The following LHPP variants were observed in gnomAD, a reference collection of about 807,000 sequenced individuals.
LHPP encodes the protein hLHPP.
In LHPP, 24 loss-of-function variants were observed where a neutral mutation model predicts 30.3. The observed-to-expected ratio is 0.79, with a 90% CI of 0.57 to 1.11. LHPP has a LOEUF of 1.11. Ranked by LOEUF, LHPP falls within the 50% of genes most tolerant of loss-of-function variation. LHPP has a pLI of 0.00. For missense variants in LHPP, 356 were observed against 367.2 expected, an observed-to-expected ratio of 0.97 and a Z score of 0.25; for synonymous variants, 150 against 157.1, an observed-to-expected ratio of 0.95 and a Z score of 0.34.
At chr10:124,582,322 A>T (rs1948753576) in intron 6 of LHPP, among the ~76,000 whole-genome samples, 2 of 151,998 alleles carry the variant, frequency 1.3e-5, no homozygotes, top group Admixed American at 6.5e-5. Flanking sequence ...AGCCTCAAGC[A>T]ATCCTCCTGG....
chr10:124,610,210 C>T (rs1028933635), intron 6 of LHPP, among the ~76,000 whole-genome samples: 1 of 152,230 alleles, frequency 6.6e-6, no homozygotes, highest in Non-Finnish European at 1.5e-5. Flanking sequence ...ATCGTAGACA[C>T]CCTGTGTGGC....
At chr10:124,595,519 T>C (rs968398378) in intron 6 of LHPP, among the ~76,000 whole-genome samples, 1 of 152,224 alleles carries the variant, frequency 6.6e-6, no homozygotes, top group Non-Finnish European at 1.5e-5. Context: ...AGGCTGTCAC[T>C]CCTAAACAGT....
intron 6 of LHPP, among the ~76,000 whole-genome samples, chr10:124,525,766 G>A (rs1293093953): frequency 3.3e-5 from 5 of 152,214 alleles, no homozygotes; most frequent in African/African-American, 1.2e-4. Flanking sequence ...ACAGGATTGG[G>A]AACAGTCACC....
chr10:124,609,232 C>G (rs558693342), intron 6 of LHPP, among the ~76,000 whole-genome samples: 51 of 152,380 alleles, frequency 3.3e-4, no homozygotes, highest in African/African-American at 1.2e-3. Context: ...ACAATAGCAA[C>G]TGTGAGCATT....
At chr10:124,607,746 G>T (rs1472840725) in intron 6 of LHPP, among the ~76,000 whole-genome samples, 1 of 152,180 alleles carries the variant, frequency 6.6e-6, no homozygotes, top group Non-Finnish European at 1.5e-5. Flanking sequence ...TTTTTGTTCC[G>T]CTTCGGGCAA....
chr10:124,513,106 T>G (rs139935497), intron 5 of LHPP, among the ~76,000 whole-genome samples: 2,862 of 132,986 alleles, frequency 0.022, 41 homozygotes, highest in Non-Finnish European at 0.033. Flanking sequence ...TTGTTTGTTT[T>G]AAGACAGAGT....
At chr10:124,585,635 A>C (rs1182193244) in intron 6 of LHPP, among the ~76,000 whole-genome samples, 1 of 151,596 alleles carries the variant, frequency 6.6e-6, no homozygotes, top group Non-Finnish European at 1.5e-5. Flanking sequence ...AAAGAAAAAG[A>C]AAAAAAAGAA....
chr10:124,527,487 T>C (rs748947058), intron 6 of LHPP, among the ~76,000 whole-genome samples: 21 of 152,178 alleles, frequency 1.4e-4, no homozygotes, highest in Admixed American at 1.4e-3. Context: ...TGTCCTCAGG[T>C]TGGGGACAGC....
At chr10:124,493,936 T>C (rs1366835361) in intron 3 of LHPP, 1 of 152,250 alleles carries the variant, frequency 6.6e-6, no homozygotes. Flanking sequence ...GATGCCTTTT[T>C]GTTTTTCTGA....
intron 6 of LHPP, among the ~76,000 whole-genome samples, chr10:124,555,065 A>T (rs1159360612): frequency 6.6e-6 from 1 of 152,180 alleles, no homozygotes; most frequent in Non-Finnish European, 1.5e-5. Flanking sequence ...TGGTTTGAGT[A>T]CGTCCAGCGA....
rs58678509 is a variant in LHPP, at chr10:124,563,313, C to CTTTTTTTTTT, written c.716+46048_716+46057dup. ...AGAAACAATCTCTCTCTCTCTTTTTCTTTTTTTTTTTTTTTGCATAAAATC... is the reference window on the plus strand; with the variant it reads ...AGAAACAATCTCTCTCTCTCTTTTTCTTTTTTTTTTTTTTTTTTTTTTTTTGCATAAAATC... On this transcript the variant is annotated intron_variant, in intron 6 of 6. Transcript: ENST00000368842. Among the ~76,000 whole-genome samples, 6 of 138,992 alleles carry CTTTTTTTTTT rather than the reference C, an allele frequency of 4.3e-5. 2 individuals are homozygous for CTTTTTTTTTT. The highest frequency in any genetic ancestry group is 3.1e-5 in the Non-Finnish European group (2 of 65,450). 91.2% of individuals were successfully genotyped at this position (138,992 alleles called of 152,430 possible). A position where few individuals can be genotyped will look rare whatever the true frequency, so the allele number is the denominator to read the frequency against.
chr10:124,591,584 C>T (rs988431017), intron 6 of LHPP, among the ~76,000 whole-genome samples: 1 of 152,060 alleles, frequency 6.6e-6, no homozygotes, highest in Non-Finnish European at 1.5e-5. Context: ...AGGTGGCCAG[C>T]ACTGTGTCCG....
At chr10:124,506,390 TG>T (rs1306768296) in intron 5 of LHPP, among the ~76,000 whole-genome samples, 2 of 151,338 alleles carry the variant, frequency 1.3e-5, no homozygotes, top group East Asian at 4.0e-4. Context: ...GCCCACTACA[TG>T]GGACCACCCC....
intron 1 of LHPP, 25 bp from the exon 2 acceptor site, chr10:124,484,114 C>A: frequency 6.2e-7 from 1 of 1,609,376 alleles, no homozygotes; most frequent in East Asian, 2.2e-5. Flanking sequence ...GCTGACTTCC[C>A]GGGCCTGTGT....
rs181151327 is a variant in LHPP, at chr10:124,580,164, G to A, written c.717-33100G>A. Reference sequence around the variant, plus strand: ...TTCTTTATACATTTCACTCCCACTCGTTTGTCAGTTATATGTGGTGCACAC... The same window carrying A: ...TTCTTTATACATTTCACTCCCACTCATTTGTCAGTTATATGTGGTGCACAC... On this transcript the variant is annotated intron_variant, in intron 6 of 6. Transcript: ENST00000368842. 9.2e-5 allele frequency among the ~76,000 whole-genome samples: 14 copies of A among 152,212 alleles called. No homozygotes were observed. The East Asian group carries it at 2.5e-3, about 27-fold the overall frequency.
At chr10:124,494,573 A>G (rs1457709146) in intron 3 of LHPP, among the ~76,000 whole-genome samples, 7 of 152,158 alleles carry the variant, frequency 4.6e-5, no homozygotes. Context: ...GACGAGGGTC[A>G]TGGCCTTTGA....
intron 1 of LHPP, among the ~76,000 whole-genome samples, chr10:124,466,054 C>T (rs1197309628): frequency 1.3e-5 from 2 of 152,102 alleles, no homozygotes; most frequent in Non-Finnish European, 2.9e-5. Flanking sequence ...TGTCCTATCT[C>T]GTGTGAGAAA....
At chr10:124,466,569 G>T (rs1027125089) in intron 1 of LHPP, among the ~76,000 whole-genome samples, 3 of 152,042 alleles carry the variant, frequency 2.0e-5, no homozygotes, top group African/African-American at 7.2e-5. Context: ...TGATTATCCT[G>T]CCTCAGCCTC....
chr10:124,494,160 CAT>C (rs1464361681), intron 3 of LHPP, among the ~76,000 whole-genome samples: 1 of 152,288 alleles, frequency 6.6e-6, no homozygotes, highest in South Asian at 2.1e-4. Flanking sequence ...TAAATTTAAA[CAT>C]AAGAAAATCC....
Sources: allele counts gnomAD v4.1 joint callset (sites outside exome capture counted in the v4.1 genomes callset), GRCh38; gene constraint gnomAD v4.1.1; transcripts MANE v1.5; gene names NCBI Gene and HGNC (gene_info 2026-07-23, HGNC 2026-07-21).